The following FHOD3 variants were observed in gnomAD, a reference collection of about 807,000 sequenced individuals.
The protein encoded by FHOD3 is FH1/FH2 domain-containing protein 3.
Under a neutral mutation model 173.0 loss-of-function variants are expected in FHOD3, and 90 were observed. The observed-to-expected ratio is 0.52, with a 90% CI of 0.44 to 0.62. FHOD3 has a LOEUF of 0.62. FHOD3 is among the 20% of genes least tolerant of loss of function. The pLI, the probability that FHOD3 is intolerant of heterozygous loss-of-function variation, is 0.00. For synonymous variants in FHOD3, 828 were observed against 823.0 expected, an observed-to-expected ratio of 1.01 and a Z score of -0.10; for missense variants, 1,945 against 2,034.7, an observed-to-expected ratio of 0.96 and a Z score of 0.85.
chr18:36,475,491 G>C (rs1034431794), intron 3 of FHOD3, among the ~76,000 whole-genome samples: 26 of 151,204 alleles, frequency 1.7e-4, no homozygotes, highest in Admixed American at 9.2e-4. Context: ...TGGGTGCGGG[G>C]TGGGAGGTGG....
chr18:36,622,410 A>G (rs1298255840), intron 9 of FHOD3, among the ~76,000 whole-genome samples: 2 of 152,336 alleles, frequency 1.3e-5, no homozygotes, highest in East Asian at 1.9e-4. Flanking sequence ...AAAGACTGGT[A>G]GAAGTGGTTA....
At chr18:36,425,148 A>G (rs2147143119) in intron 3 of FHOD3, among the ~76,000 whole-genome samples, 1 of 152,364 alleles carries the variant, frequency 6.6e-6, no homozygotes, top group African/African-American at 2.4e-5. Flanking sequence ...GAGAGACTGC[A>G]TTCACATAAC....
intron 25 of FHOD3, 88 bp downstream of exon 25, chr18:36,755,399 T>C: frequency 1.2e-4 from 5 of 41,372 alleles, no homozygotes; most frequent in Non-Finnish European, 1.4e-4. Context: ...AAGCTGTGCT[T>C]TTTTTTTTTT....
At chr18:36,633,225 AGCCCAATCACCCAACTTCTC>A in intron 10 of FHOD3, among the ~76,000 whole-genome samples, 1 of 152,238 alleles carries the variant, frequency 6.6e-6, no homozygotes, top group African/African-American at 2.4e-5. Context: ...CGTGTGCTTG[AGCCCAATCACCCAACTTCTC>A]AGATCTTATT....
Position 36,380,543 on chromosome 18 carries a change from C to CTTTCT in FHOD3, c.337+7803_337+7807dup, listed in dbSNP as rs1157752890. Among the ~76,000 whole-genome samples the CTTTCT allele has an allele frequency of 4.1e-4, 49 of 119,480 alleles. 3 individuals are homozygous for CTTTCT. Among genetic ancestry groups the CTTTCT allele is most frequent in the African/African-American group, 1.6e-3 (46 of 28,884 alleles). 78.4% of individuals were successfully genotyped at this position (119,480 alleles called of 152,430 possible). A position where few individuals can be genotyped will look rare whatever the true frequency, so the allele number is the denominator to read the frequency against. ...TCTCTCCCTTTTTCCCTTTCTCTCTCTTTCTTTTGTTTTCTTTTCTTTTCT... is the reference window on the plus strand; with the variant it reads ...TCTCTCCCTTTTTCCCTTTCTCTCTCTTTCTTTTCTTTTGTTTTCTTTTCTTTTCT... On this transcript the variant is annotated intron_variant, in intron 3 of 28. Coordinates refer to ENST00000590592, the MANE Select transcript of FHOD3 (RefSeq NM_001281740.3).
intron 19 of FHOD3, among the ~76,000 whole-genome samples, chr18:36,720,042 C>G (rs540401090): frequency 6.6e-6 from 1 of 152,022 alleles, no homozygotes; most frequent in Non-Finnish European, 1.5e-5. Flanking sequence ...AAATCTACAC[C>G]GTTAGGATCC....
intron 14 of FHOD3, among the ~76,000 whole-genome samples, chr18:36,678,932 T>A (rs1403126280): frequency 1.9e-4 from 3 of 15,480 alleles, no homozygotes; most frequent in African/African-American, 2.8e-4. Context: ...ATGAATCATG[T>A]AAAATGGGTT....
At chr18:36,709,554 G>C (rs964355105) in intron 18 of FHOD3, 163 bp downstream of exon 18, 9 of 733,088 alleles carry the variant, frequency 1.2e-5, no homozygotes, top group East Asian at 1.1e-4. Flanking sequence ...GTGTGGCCAC[G>C]CTGGCAGCCA....
chr18:36,386,567 G>A (rs918208488), intron 3 of FHOD3, among the ~76,000 whole-genome samples: 1 of 152,228 alleles, frequency 6.6e-6, no homozygotes, highest in Non-Finnish European at 1.5e-5. Context: ...GCTGTGGCTT[G>A]TCTTGGAAGA....
In FHOD3 at chr18:36,542,197, G is replaced by C. The variant is rs549220832; in HGVS notation, c.511+29654G>C. Among the ~76,000 whole-genome samples, 4 of 152,248 alleles carry C rather than the reference G, an allele frequency of 2.6e-5. No homozygotes were observed. The South Asian group carries it at 8.3e-4, about 32-fold the overall frequency. Reference sequence around the variant, plus strand: ...CCATCTTTGTCTTTTTATGAAGGCAGATGTTTTGGGCAAATTAAATGGATC... The same window carrying C: ...CCATCTTTGTCTTTTTATGAAGGCACATGTTTTGGGCAAATTAAATGGATC... On this transcript the variant is annotated intron_variant, in intron 5 of 28. Transcript: ENST00000590592.
At chr18:36,445,287 C>A (rs2051401561) in intron 3 of FHOD3, among the ~76,000 whole-genome samples, 1 of 152,136 alleles carries the variant, frequency 6.6e-6, no homozygotes, top group Admixed American at 6.5e-5. Context: ...GACATATGAG[C>A]TGCTGCTTGT....
intron 26 of FHOD3, 68 bp downstream of exon 26, chr18:36,759,209 A>G (rs2042765252): frequency 6.9e-7 from 1 of 1,457,042 alleles, no homozygotes; most frequent in Non-Finnish European, 9.3e-7. Context: ...GTCTAACCTA[A>G]CATAATCAGC....
intron 11 of FHOD3, 92 bp downstream of exon 11, chr18:36,649,497 C>A: frequency 1.1e-6 from 1 of 918,480 alleles, no homozygotes; most frequent in Non-Finnish European, 1.6e-6. Context: ...CACCTCCCTT[C>A]CTCATTGACT....
At chr18:36,501,065 A>G (rs1163211642) in intron 3 of FHOD3, among the ~76,000 whole-genome samples, 1 of 152,028 alleles carries the variant, frequency 6.6e-6, no homozygotes, top group East Asian at 1.9e-4. Context: ...CTGCATGGTG[A>G]TCTCTGGAGG....
Position 36,652,778 on chromosome 18 carries a change from T to A in FHOD3, c.1495T>A (p.Ser499Thr). Residue 499 changes from serine to threonine, a missense_variant, in exon 12 of 29, where the codon TCC becomes ACC. Ser to Thr is a moderately conservative substitution (Grantham distance 58, BLOSUM62 1). Transcript: ENST00000590592. The part of the protein sequence containing the change: ...LSPPASAARP[S>T]SATPGSLKVS... ...ACCCCCTGCCTCAGCTGCTCGGCCC[T>A]CCTCCGCCACACCAGGCTCCCTGAA... 1 of 1,535,792 alleles carries A rather than the reference T, an allele frequency of 6.5e-7. No individual in the cohort carries two copies. Among genetic ancestry groups the A allele is most frequent in the Non-Finnish European group, 8.7e-7 (1 of 1,146,678 alleles).
intron 27 of FHOD3, among the ~76,000 whole-genome samples, chr18:36,765,727 A>G (rs997492275): frequency 1.3e-5 from 2 of 152,232 alleles, no homozygotes; most frequent in African/African-American, 2.4e-5. Context: ...GAGACTGATC[A>G]CAGCAAAAGA....
At chr18:36,436,041 A>C (rs1273258384) in intron 3 of FHOD3, among the ~76,000 whole-genome samples, 1 of 152,200 alleles carries the variant, frequency 6.6e-6, no homozygotes, top group Non-Finnish European at 1.5e-5. Context: ...CATCCAAACT[A>C]AACAGTTTGC....
chr18:36,637,930 A>C (rs1431917781), intron 10 of FHOD3, among the ~76,000 whole-genome samples: 1 of 152,230 alleles, frequency 6.6e-6, no homozygotes, highest in African/African-American at 2.4e-5. Flanking sequence ...GCACAATACC[A>C]ATACCAGAAG....
intron 5 of FHOD3, among the ~76,000 whole-genome samples, chr18:36,515,210 G>A (rs564439069): frequency 2.6e-5 from 4 of 152,152 alleles, no homozygotes; most frequent in African/African-American, 2.4e-5. Context: ...GCTTACAGCC[G>A]TTTATTTTAT....
Sources: gnomAD v4.1 joint callset for allele counts (sites outside exome capture counted in the v4.1 genomes callset) on GRCh38, gnomAD v4.1.1 for gene constraint, MANE v1.5 for transcripts, NCBI Gene and HGNC (gene_info 2026-07-23, HGNC 2026-07-21) for gene names.